Variants in IQCJ observed in about 807,000 individuals in gnomAD.
IQCJ encodes IQ domain-containing protein J.
Under a neutral mutation model 11.0 loss-of-function variants are expected in IQCJ, and 9 were observed. The ratio of observed to expected loss-of-function variants is 0.82; its 90% CI spans 0.49 to 1.43. The LOEUF is 1.43. Among genes scored for constraint, IQCJ ranks in the 40% most tolerant of loss-of-function variants. The pLI is 0.00. For missense variants in IQCJ, 146 were observed against 133.2 expected (o/e 1.10, Z -0.47); for synonymous variants, 55 against 51.3 (o/e 1.07, Z -0.31).
intron 1 of IQCJ, among the ~76,000 whole-genome samples, chr3:159,110,304 G>A (rs1288373173): frequency 6.6e-6 from 1 of 152,190 alleles, no homozygotes; most frequent in African/African-American, 2.4e-5. Context: ...TTTTAGCACA[G>A]TGCCTGGCAC....
chr3:159,242,293 C>T (rs1726971185), intron 1 of IQCJ, among the ~76,000 whole-genome samples: 1 of 152,142 alleles, frequency 6.6e-6, no homozygotes, highest in South Asian at 2.1e-4. Context: ...AAGAAAACAT[C>T]ACTTATCTAT....
At chr3:159,225,914 A>G (rs1296397738) in intron 1 of IQCJ, among the ~76,000 whole-genome samples, 1 of 152,192 alleles carries the variant, frequency 6.6e-6, no homozygotes, top group Non-Finnish European at 1.5e-5. Context: ...CTCATGTTTG[A>G]TATTTGCTGT....
chr3:159,105,689 T>C (rs1718212385), intron 1 of IQCJ, among the ~76,000 whole-genome samples: 1 of 151,978 alleles, frequency 6.6e-6, no homozygotes, highest in African/African-American at 2.4e-5. Flanking sequence ...GAGAAAACAC[T>C]GGGGCTGGGG....
At chr3:159,176,244 C>T (rs1021184684) in intron 1 of IQCJ, among the ~76,000 whole-genome samples, 10 of 151,536 alleles carry the variant, frequency 6.6e-5, no homozygotes, top group Admixed American at 2.6e-4. Flanking sequence ...TGCTTTTTCA[C>T]TTGTTTACAG....
chr3:159,229,235 C>CA (rs1204931378), intron 1 of IQCJ, among the ~76,000 whole-genome samples: 1 of 152,160 alleles, frequency 6.6e-6, no homozygotes, highest in African/African-American at 2.4e-5. Context: ...CATGCCATTC[C>CA]AGTCGGCCAA....
At chr3:159,105,117 G>A (rs1185820951) in intron 1 of IQCJ, among the ~76,000 whole-genome samples, 3 of 152,242 alleles carry the variant, frequency 2.0e-5, no homozygotes, top group African/African-American at 7.2e-5. Context: ...GACACAACCA[G>A]TAAGTAATAG....
intron 1 of IQCJ, among the ~76,000 whole-genome samples, chr3:159,086,692 G>A (rs554985275): frequency 6.6e-6 from 1 of 151,870 alleles, no homozygotes; most frequent in South Asian, 2.1e-4. Flanking sequence ...GTGAATGGGA[G>A]TTCACCCATG....
intron 1 of IQCJ, among the ~76,000 whole-genome samples, chr3:159,226,770 T>C (rs995033220): frequency 5.3e-5 from 8 of 152,218 alleles, no homozygotes; most frequent in African/African-American, 1.2e-4. Flanking sequence ...GAGGGAAGTG[T>C]AATCAGGATA....
chr3:159,076,571 C>T (rs368827626), intron 1 of IQCJ, among the ~76,000 whole-genome samples: 2 of 152,216 alleles, frequency 1.3e-5, no homozygotes, highest in East Asian at 3.9e-4. Flanking sequence ...GGAATAAATA[C>T]AGGCTTTGGA....
chr3:159,261,674 G>A (rs913131181), intron 3 of IQCJ, among the ~76,000 whole-genome samples: 8 of 152,118 alleles, frequency 5.3e-5, no homozygotes, highest in African/African-American at 1.7e-4. Context: ...ACCCAGTCTC[G>A]GGTATTTCTT....
In IQCJ at chr3:159,262,642, A is replaced by G. The variant is rs202040350; in HGVS notation, c.250A>G (p.Ser84Gly). ...PPSVSSEKLS[S>G]SVSMNTFSDS... is the part of the protein sequence containing the mutation. ...CTCTGTCTCCTCAGAGAAGCTGAGCAGCTCTGTCAGCATGAACACCTTCTC... is the reference window on the plus strand; with the variant it reads ...CTCTGTCTCCTCAGAGAAGCTGAGCGGCTCTGTCAGCATGAACACCTTCTC... The change falls in exon 4 of 4, where the codon AGC becomes GGC. Residue 84 changes from serine (S) to glycine (G), a missense_variant. Transcript: ENST00000397832. 5 of 1,614,014 alleles carry G rather than the reference A, an allele frequency of 3.1e-6. No individual in the cohort carries two copies. Among genetic ancestry groups the G allele is most frequent in the Non-Finnish European group, 4.2e-6 (5 of 1,179,880 alleles).
chr3:159,119,296 T>C (rs1355835090), intron 1 of IQCJ, among the ~76,000 whole-genome samples: 1 of 152,212 alleles, frequency 6.6e-6, no homozygotes, highest in East Asian at 1.9e-4. Flanking sequence ...GATGACATTT[T>C]AGTTGGGTGC....
intron 1 of IQCJ, among the ~76,000 whole-genome samples, chr3:159,132,915 TCTTG>T (rs1424961822): frequency 6.7e-6 from 1 of 149,988 alleles, no homozygotes; most frequent in African/African-American, 2.4e-5. Flanking sequence ...ATGCTTGCTT[TCTTG>T]CTTGCTTTCT....
intron 1 of IQCJ, among the ~76,000 whole-genome samples, chr3:159,212,678 A>C (rs1406751007): frequency 6.6e-6 from 1 of 152,226 alleles, no homozygotes; most frequent in African/African-American, 2.4e-5. Context: ...TGTCTAGCTG[A>C]GTTCTTCATA....
chr3:159,109,527 TAA>T (rs3051445), intron 1 of IQCJ, among the ~76,000 whole-genome samples: 3 of 122,688 alleles, frequency 2.4e-5, no homozygotes, highest in African/African-American at 5.8e-5. Flanking sequence ...TTGTATTAAC[TAA>T]AAAAAAAAAA....
At chr3:159,218,780 G>A (rs1181162458) in intron 1 of IQCJ, among the ~76,000 whole-genome samples, 6 of 152,050 alleles carry the variant, frequency 3.9e-5, no homozygotes, top group Admixed American at 3.3e-4. Flanking sequence ...CAAACTTAGT[G>A]GCTTAAACCA....
chr3:159,262,130 G>A (rs937159351), intron 3 of IQCJ, among the ~76,000 whole-genome samples: 5 of 152,162 alleles, frequency 3.3e-5, no homozygotes, highest in Admixed American at 2.6e-4. Flanking sequence ...GGCACAGAAT[G>A]GCCCCTCAAA....
At chr3:159,136,186 TA>T (rs1209779603) in intron 1 of IQCJ, among the ~76,000 whole-genome samples, 3 of 152,180 alleles carry the variant, frequency 2.0e-5, no homozygotes, top group African/African-American at 7.2e-5. Flanking sequence ...GAAACCTTTT[TA>T]TTCGTAAGAA....
chr3:159,119,938 T>C (rs775796288), intron 1 of IQCJ, among the ~76,000 whole-genome samples: 7 of 152,206 alleles, frequency 4.6e-5, no homozygotes, highest in Non-Finnish European at 8.8e-5. Context: ...CTTAAAAATA[T>C]CTAAAAAACC....
Sources: gnomAD v4.1 joint callset for allele counts (sites outside exome capture counted in the v4.1 genomes callset) on GRCh38, gnomAD v4.1.1 for gene constraint, MANE v1.5 for transcripts, NCBI Gene and HGNC (gene_info 2026-07-23, HGNC 2026-07-21) for gene names.